The following GALNT10 variants were observed in gnomAD, a reference collection of about 807,000 sequenced individuals.
GALNT10 encodes the protein GalNAc transferase 10.
A neutral mutation model predicts 75.0 loss-of-function variants in GALNT10; 41 were observed. The ratio of observed to expected loss-of-function variants is 0.55; its 90% CI spans 0.43 to 0.71. The LOEUF is 0.71. Ranked by LOEUF, GALNT10 falls within the 30% of genes least tolerant of loss-of-function variation. The pLI, the probability that GALNT10 is intolerant of heterozygous loss-of-function variation, is 0.00. For missense variants in GALNT10, 727 were observed against 818.5 expected (o/e 0.89, Z 1.36); for synonymous variants, 302 against 313.0 (o/e 0.96, Z 0.37).
At chr5:154,408,202 C>T (rs896191036) in intron 8 of GALNT10, among the ~76,000 whole-genome samples, 4 of 152,088 alleles carry the variant, frequency 2.6e-5, no homozygotes, top group Non-Finnish European at 2.9e-5. Flanking sequence ...ATTTACTATC[C>T]GGCTCTTTAT....
At chr5:154,294,968 A>G (rs745471562) in intron 2 of GALNT10, 50 bp downstream of exon 2, 22 of 858,440 alleles carry the variant, frequency 2.6e-5, no homozygotes, top group South Asian at 2.4e-4. Context: ...GGGCATATGC[A>G]CATATGCTTG....
chr5:154,397,601 C>T (rs1756048038), intron 7 of GALNT10, among the ~76,000 whole-genome samples: 3 of 152,218 alleles, frequency 2.0e-5, no homozygotes, highest in Admixed American at 2.0e-4. Context: ...CTAACTGCTA[C>T]CCTATGTGCC....
At chr5:154,393,332 C>T (rs1441464877) in intron 7 of GALNT10, among the ~76,000 whole-genome samples, 2 of 152,112 alleles carry the variant, frequency 1.3e-5, no homozygotes, top group Non-Finnish European at 2.9e-5. Flanking sequence ...CCTCGGGCTC[C>T]CAACATGCTG....
chr5:154,311,920 C>T (rs116151999), intron 3 of GALNT10, among the ~76,000 whole-genome samples: 2,228 of 152,100 alleles, frequency 0.015, 57 homozygotes, highest in African/African-American at 0.051. Context: ...TGGAGGGAAA[C>T]GTTTTTAAAT....
intron 1 of GALNT10, among the ~76,000 whole-genome samples, chr5:154,240,578 C>T (rs1434852012): frequency 6.6e-6 from 1 of 152,138 alleles, no homozygotes; most frequent in African/African-American, 2.4e-5. Context: ...GGTGAACTTT[C>T]CTAGCAGACA....
In GALNT10 at chr5:154,409,434, C is replaced by A; in HGVS notation, c.1165-107C>A. ...GGTGGGGCTGGGATTTTTGATGGAACATAAAATAAGAAGGGTTGACCTCGA... is the reference window on the plus strand; with the variant it reads ...GGTGGGGCTGGGATTTTTGATGGAAAATAAAATAAGAAGGGTTGACCTCGA... On this transcript the variant is annotated intron_variant, in intron 8 of 11. Coordinates refer to ENST00000297107, the MANE Select transcript of GALNT10 (RefSeq NM_198321.4). This position sits in a 1 kb window ranked among gnomAD's most constrained non-coding sequence, Gnocchi z 4.5. 1.3e-6 allele frequency: 1 copy of A among 792,818 alleles called. No individual in the cohort carries two copies. The highest frequency in any genetic ancestry group is 1.8e-5 in the Admixed American group (1 of 56,742). 49.1% of individuals were successfully genotyped at this position (792,818 alleles called of 1,614,324 possible).
At chr5:154,334,354 C>T (rs576939009) in intron 4 of GALNT10, among the ~76,000 whole-genome samples, 12 of 152,328 alleles carry the variant, frequency 7.9e-5, no homozygotes, top group African/African-American at 2.9e-4. Flanking sequence ...CCAGGGGTCT[C>T]CACAAGCTCT....
intron 1 of GALNT10, among the ~76,000 whole-genome samples, chr5:154,200,344 T>A (rs1775007106): frequency 1.3e-5 from 2 of 150,608 alleles, no homozygotes; most frequent in Admixed American, 6.6e-5. Context: ...GTTACAAATG[T>A]CAGCCTCCTC....
chr5:154,399,875 G>T (rs1426766589), intron 7 of GALNT10, among the ~76,000 whole-genome samples: 1 of 152,146 alleles, frequency 6.6e-6, no homozygotes, highest in Non-Finnish European at 1.5e-5. Flanking sequence ...GGGTGCAATG[G>T]CTCATGCCTG....
At chr5:154,347,057 T>C (rs1389633678) in intron 4 of GALNT10, 2 of 434,676 alleles carry the variant, frequency 4.6e-6, no homozygotes, top group South Asian at 1.7e-5. Context: ...ACTTAAACCA[T>C]CATTAATAAT....
At chr5:154,246,711 C>A (rs1753431578) in intron 1 of GALNT10, among the ~76,000 whole-genome samples, 1 of 151,964 alleles carries the variant, frequency 6.6e-6, no homozygotes, top group African/African-American at 2.4e-5. Flanking sequence ...GGATATTAGC[C>A]CTTTGTCAGA....
chr5:154,311,613 C>CTTT, intron 3 of GALNT10, among the ~76,000 whole-genome samples: 1 of 140,636 alleles, frequency 7.1e-6, no homozygotes, highest in Non-Finnish European at 1.6e-5. Flanking sequence ...AGAATGGAGA[C>CTTT]TTTTTTTTTT....
At chr5:154,219,273 C>T (rs991340654) in intron 1 of GALNT10, among the ~76,000 whole-genome samples, 6 of 152,196 alleles carry the variant, frequency 3.9e-5, no homozygotes, top group African/African-American at 1.2e-4. Context: ...ATCATCTCCC[C>T]CAGCAAGCCT....
chr5:154,343,267 A>G (rs915552908), intron 4 of GALNT10, among the ~76,000 whole-genome samples: 6 of 152,136 alleles, frequency 3.9e-5, no homozygotes, highest in African/African-American at 1.4e-4. Flanking sequence ...GAGATATTTG[A>G]TGAGAACAAA....
Position 154,416,366 on chromosome 5 carries a change from G to A in GALNT10, c.1653+434G>A, listed in dbSNP as rs1756509517. 6.6e-6 allele frequency among the ~76,000 whole-genome samples: 1 copy of A among 152,172 alleles called. No homozygotes were observed. The highest frequency in any genetic ancestry group is 1.9e-4 in the East Asian group (1 of 5,200). ...GAGAAGCACTTGAACCTGAGAGGCA[G>A]AGGTTGCAGTGAGCCAAGATTGTGC... is the stretch of plus-strand genomic sequence containing the variant. On this transcript the variant is annotated intron_variant, in intron 11 of 11. Coordinates refer to ENST00000297107, the MANE Select transcript of GALNT10 (RefSeq NM_198321.4). The surrounding 1 kb of genome is among the most constrained non-coding windows in gnomAD (Gnocchi z 4.5).
intron 1 of GALNT10, among the ~76,000 whole-genome samples, chr5:154,233,841 A>T (rs1753203071): frequency 6.6e-6 from 1 of 152,148 alleles, no homozygotes; most frequent in Admixed American, 6.5e-5. Flanking sequence ...GGGCAGGTAG[A>T]GGATGTCGTG....
At chr5:154,328,689 A>C (rs1244389997) in intron 3 of GALNT10, among the ~76,000 whole-genome samples, 1 of 152,152 alleles carries the variant, frequency 6.6e-6, no homozygotes, top group Non-Finnish European at 1.5e-5. Flanking sequence ...TTCAGATGCC[A>C]TTTGCAAATC....
chr5:154,295,219 T>C (rs942426862), intron 2 of GALNT10, among the ~76,000 whole-genome samples: 1 of 152,218 alleles, frequency 6.6e-6, no homozygotes, highest in Non-Finnish European at 1.5e-5. Context: ...ATATTTTGTA[T>C]TTTATTTTTA....
intron 4 of GALNT10, among the ~76,000 whole-genome samples, chr5:154,331,976 G>A (rs562568367): frequency 1.2e-4 from 18 of 152,182 alleles, no homozygotes; most frequent in East Asian, 3.9e-4. Context: ...TAAGTAATTC[G>A]CCCAGAATCA....
Sources: allele counts gnomAD v4.1 joint callset (sites outside exome capture counted in the v4.1 genomes callset), GRCh38; gene constraint gnomAD v4.1.1; non-coding constraint Gnocchi (gnomAD v3.1); transcripts MANE v1.5; gene names NCBI Gene and HGNC (gene_info 2026-07-23, HGNC 2026-07-21).